Variants in PTPA observed in about 807,000 individuals in gnomAD.
PTPA encodes serine/threonine-protein phosphatase 2A activator.
A neutral mutation model predicts 43.6 loss-of-function variants in PTPA; 13 were observed. That is an observed-to-expected ratio of 0.30 (90% CI 0.19 to 0.47). The LOEUF is 0.47. PTPA is among the 20% of genes least tolerant of loss of function. The pLI is 0.99. For missense variants in PTPA, 329 were observed against 411.9 expected (o/e 0.80, Z 1.74); for synonymous variants, 172 against 158.2 (o/e 1.09, Z -0.66).
At chr9:129,132,073 C>G (rs1018074296) in intron 5 of PTPA, among the ~76,000 whole-genome samples, 1 of 152,150 alleles carries the variant, frequency 6.6e-6, no homozygotes, top group East Asian at 1.9e-4. Flanking sequence ...CCCCTTGTCT[C>G]TTAGCCACAT....
At position 129,131,570 on chromosome 9, in the gene PTPA, G is replaced by A; in HGVS notation, c.391G>A (p.Ala131Thr). The A allele has an allele frequency of 1.2e-6, 2 of 1,614,158 alleles. No homozygotes were observed. Among genetic ancestry groups the A allele is most frequent in the Non-Finnish European group, 1.7e-6 (2 of 1,180,042 alleles). ...AGTGGTCCCTACCCATCTGGCAGCT[G>A]CTGTGCCTGAGGTGGCTGTTTACCT... ...ATVVPTHLAAAVPEVAVYLKE... is the reference protein window; with the variant it reads ...ATVVPTHLAATVPEVAVYLKE... The change falls in exon 5 of 10, where the codon GCT becomes ACT. Residue 131 changes from alanine (A) to threonine (T), a missense_variant. Coordinates refer to ENST00000393370, the MANE Select transcript of PTPA (RefSeq NM_178000.3).
rs182217984 is a variant in PTPA, at chr9:129,115,771, C to T, written c.31+4140C>T. ...TCTCCTGCCTCAGCCTCCCGAGTAG[C>T]TGGGATTACAGGTGCCCACCACCAC... On this transcript the variant is annotated intron_variant, in intron 1 of 9. Coordinates refer to ENST00000393370, the MANE Select transcript of PTPA (RefSeq NM_178000.3). 4.6e-5 allele frequency among the ~76,000 whole-genome samples: 7 copies of T among 151,672 alleles called. No individual in the cohort carries two copies. The East Asian group carries it at 1.4e-3, about 30-fold the overall frequency.
chr9:129,142,289 C>T, intron 8 of PTPA, 156 bp from the exon 9 acceptor site: 1 of 615,128 alleles, frequency 1.6e-6, no homozygotes, highest in Non-Finnish European at 2.7e-6. Context: ...CAGGCAGATG[C>T]TATAGCTTGG....
At chr9:129,144,908 C>A (rs1851194948) in intron 9 of PTPA, among the ~76,000 whole-genome samples, 1 of 152,130 alleles carries the variant, frequency 6.6e-6, no homozygotes, top group Admixed American at 6.5e-5. Context: ...TGGCTCATGC[C>A]TGTGGTCCCA....
At chr9:129,137,352 C>T (rs1294911392) in intron 7 of PTPA, among the ~76,000 whole-genome samples, 1 of 152,248 alleles carries the variant, frequency 6.6e-6, no homozygotes, top group African/African-American at 2.4e-5. Flanking sequence ...TTCTTGTCCC[C>T]AGTGTCCAGG....
At chr9:129,136,881 C>T (rs917620661) in intron 7 of PTPA, among the ~76,000 whole-genome samples, 1 of 152,270 alleles carries the variant, frequency 6.6e-6, no homozygotes, top group Admixed American at 6.5e-5. Context: ...GCATAATGGA[C>T]TGGTGTGAAA....
At chr9:129,134,965 A>G in intron 6 of PTPA, 71 bp downstream of exon 6, 2 of 1,346,396 alleles carry the variant, frequency 1.5e-6, no homozygotes, top group Non-Finnish European at 2.1e-6. Context: ...AAACTGGGAA[A>G]TGGGGTGCTC....
intron 8 of PTPA, chr9:129,140,148 G>A (rs1850670483): frequency 6.6e-6 from 1 of 152,034 alleles, no homozygotes; most frequent in Admixed American, 6.6e-5. Context: ...GGAACGCAGC[G>A]TCTGTGAGTA....
intron 9 of PTPA, among the ~76,000 whole-genome samples, chr9:129,144,578 A>T (rs770148070): frequency 1.3e-5 from 2 of 151,804 alleles, no homozygotes; most frequent in Non-Finnish European, 2.9e-5. Context: ...CTCTACTAAA[A>T]ATATAAAAAA....
intron 1 of PTPA, among the ~76,000 whole-genome samples, chr9:129,118,790 C>A (rs974136983): frequency 6.7e-6 from 1 of 150,262 alleles, no homozygotes; most frequent in Admixed American, 6.7e-5. Flanking sequence ...GCTGAGATTA[C>A]AGGTGTGAGC....
upstream of PTPA, chr9:129,111,018 T>C: frequency 7.3e-7 from 1 of 1,370,046 alleles, no homozygotes; most frequent in South Asian, 1.1e-5. Context: ...CCACATGTCT[T>C]CTAAGCTGTT....
At chr9:129,128,076 TC>T in intron 3 of PTPA, 1 of 1,319,944 alleles carries the variant, frequency 7.6e-7, no homozygotes. Context: ...GAGGTATTTA[TC>T]ATCAGCCCCA....
intron 2 of PTPA, among the ~76,000 whole-genome samples, chr9:129,120,923 G>T (rs1199574538): frequency 6.6e-6 from 1 of 152,176 alleles, no homozygotes; most frequent in East Asian, 1.9e-4. Context: ...AAATGATGGA[G>T]CGAGTCACTT....
At chr9:129,143,074 C>T (rs17486513) in intron 9 of PTPA, 5 of 721,408 alleles carry the variant, frequency 6.9e-6, no homozygotes, top group South Asian at 3.9e-5. Flanking sequence ...ATGGTTTTCC[C>T]TGCTCTCAAA....
At chr9:129,146,976 C>T (rs1257639588) in intron 9 of PTPA, among the ~76,000 whole-genome samples, 2 of 152,246 alleles carry the variant, frequency 1.3e-5, no homozygotes, top group Non-Finnish European at 2.9e-5. Flanking sequence ...AGAAAACAGG[C>T]TTTGGGACCC....
rs571584672 is a variant in PTPA at position 129,147,772 on chromosome 9, C to T, written c.*308C>T. 1.1e-3 allele frequency: 395 copies of T among 371,538 alleles called. No individual in the cohort carries two copies. Among genetic ancestry groups the T allele is most frequent in the African/African-American group, 2.6e-3 (126 of 47,858 alleles). The allele number at this position is 371,538 out of a possible 1,614,324, so 23.0% of individuals were successfully genotyped here. A position where few individuals can be genotyped will look rare whatever the true frequency, so the allele number is the denominator to read the frequency against. ...TTCTGGCCTCTTCTCCCTTCACTCC[C>T]GTCCAGTCTGGTTTTGAGAGCAGGG... On this transcript the variant is annotated 3_prime_UTR_variant, in exon 10 of 10. Coordinates refer to ENST00000393370, the MANE Select transcript of PTPA (RefSeq NM_178000.3).
At chr9:129,137,344 CT>C (rs1850438476) in intron 7 of PTPA, among the ~76,000 whole-genome samples, 1 of 152,242 alleles carries the variant, frequency 6.6e-6, no homozygotes, top group Non-Finnish European at 1.5e-5. Context: ...AGGTGCTCTT[CT>C]TGTCCCCAGT....
chr9:129,137,976 C>T, intron 8 of PTPA: 1 of 440,230 alleles, frequency 2.3e-6, no homozygotes, highest in Non-Finnish European at 4.3e-6. Context: ...GTGACTGCTG[C>T]AGCAGGTCTG....
rs539012085 is a variant in PTPA at position 129,140,486 on chromosome 9, A to C, written c.787-1959A>C. ...GGCCCAGGGCCACTGGAGCTCCAGGACATGGGCCTAGCCCTGGCTCTGCCA... is the reference window on the plus strand; with the variant it reads ...GGCCCAGGGCCACTGGAGCTCCAGGCCATGGGCCTAGCCCTGGCTCTGCCA... On this transcript the variant is annotated intron_variant, in intron 8 of 9. Coordinates refer to ENST00000393370, the MANE Select transcript of PTPA (RefSeq NM_178000.3). Among the ~76,000 whole-genome samples the C allele has an allele frequency of 4.6e-5, 7 of 152,308 alleles. No homozygotes were observed. The East Asian group carries it at 1.2e-3, about 25-fold the overall frequency.
Sources: allele counts gnomAD v4.1 joint callset (sites outside exome capture counted in the v4.1 genomes callset), GRCh38; gene constraint gnomAD v4.1.1; transcripts MANE v1.5; gene names NCBI Gene and HGNC (gene_info 2026-07-23, HGNC 2026-07-21).